MTTP: variants seen among roughly 807,000 people sequenced by gnomAD.
The protein encoded by MTTP is microsomal triglyceride transfer protein large subunit.
A neutral mutation model predicts 90.6 loss-of-function variants in MTTP; 49 were observed. That is an observed-to-expected ratio of 0.54 (90% CI 0.43 to 0.69). MTTP has a LOEUF of 0.69. MTTP is among the 30% of genes least tolerant of loss of function. The pLI is 0.00. For synonymous variants in MTTP, 347 were observed against 384.2 expected (o/e 0.90, Z 1.13); for missense variants, 945 against 1,067.5 (o/e 0.89, Z 1.60).
chr4:99,580,403 C>T (rs1031106383), intron 1 of MTTP, among the ~76,000 whole-genome samples: 6 of 150,826 alleles, frequency 4.0e-5, no homozygotes, highest in East Asian at 2.0e-4. Context: ...GGTGAAACCC[C>T]GTCTCTACTA....
chr4:99,600,084 C>A (rs1725657364), intron 8 of MTTP, among the ~76,000 whole-genome samples: 1 of 152,036 alleles, frequency 6.6e-6, no homozygotes, highest in Admixed American at 6.6e-5. Flanking sequence ...GAAAACCTTT[C>A]CCCTTGGATT....
At chr4:99,611,640 C>T (rs958267538) in intron 14 of MTTP, among the ~76,000 whole-genome samples, 187 bp downstream of exon 14, 3 of 152,094 alleles carry the variant, frequency 2.0e-5, no homozygotes, top group African/African-American at 7.2e-5. Flanking sequence ...GAGAAAGTTT[C>T]GAATTTGAAC....
intron 11 of MTTP, 86 bp from the exon 12 acceptor site, chr4:99,608,680 T>C (rs1202055264): frequency 5.6e-6 from 6 of 1,064,066 alleles, no homozygotes; most frequent in East Asian, 2.4e-5. Context: ...TATATTTTTA[T>C]GAACACTCAC....
At chr4:99,619,133 A>C in intron 16 of MTTP, 35 bp downstream of exon 16, 5 of 1,557,506 alleles carry the variant, frequency 3.2e-6, no homozygotes, top group Non-Finnish European at 4.4e-6. Flanking sequence ...TATGAATTAC[A>C]TATAAGACTA....
intron 1 of MTTP, among the ~76,000 whole-genome samples, chr4:99,565,846 C>G (rs983603697): frequency 1.3e-5 from 2 of 152,104 alleles, no homozygotes; most frequent in Non-Finnish European, 2.9e-5. Flanking sequence ...AAGCAAAGAC[C>G]TAAGCGTGTC....
chr4:99,613,014 T>C lies in MTTP; in HGVS notation c.2091T>C (p.Phe697=), dbSNP rs2110233206. ...ATGCTGGTATGTCAGCCATCCTCTT[T>C]GATGTTCAGCTCAGACCTGTCACCT... ...DSYAGMSAIL[F]DVQLRPVTFF... is the part of the protein sequence containing the mutation. Residue 697 remains phenylalanine, a synonymous_variant, in exon 15 of 18, where the codon TTT becomes TTC. Transcript: ENST00000265517. 6.2e-7 allele frequency: 1 copy of C among 1,614,078 alleles called. No individual in the cohort carries two copies. The highest frequency in any genetic ancestry group is 8.5e-7 in the Non-Finnish European group (1 of 1,179,970).
rs772254811 is a variant in MTTP, at chr4:99,619,139, G to C, written c.2342+41G>C. On this transcript the variant is annotated intron_variant, in intron 16 of 17. Coordinates refer to ENST00000265517, the MANE Select transcript of MTTP (RefSeq NM_001386140.1). ...TTATACATTTATGAATTACATATAA[G>C]ACTATATACAGAGAACTTCCGAAAT... The C allele has an allele frequency of 1.9e-6, 3 of 1,553,986 alleles. No individual in the cohort carries two copies. The South Asian group carries it at 3.3e-5, about 17-fold the overall frequency.
chr4:99,606,219 C>A (rs887856324), intron 10 of MTTP, among the ~76,000 whole-genome samples: 1 of 152,220 alleles, frequency 6.6e-6, no homozygotes, highest in African/African-American at 2.4e-5. Context: ...AAGTACCTAC[C>A]ACATAGGAGG....
upstream of MTTP, among the ~76,000 whole-genome samples, chr4:99,572,562 C>T (rs959150678): frequency 1.3e-5 from 2 of 151,900 alleles, no homozygotes; most frequent in African/African-American, 4.8e-5. Flanking sequence ...TGTCAAATGA[C>T]TGTTGTAAGG....
chr4:99,565,777 AAGTAGGAGTTGT>A (rs1454841974), intron 1 of MTTP, among the ~76,000 whole-genome samples: 2 of 152,190 alleles, frequency 1.3e-5, no homozygotes, highest in Non-Finnish European at 2.9e-5. Flanking sequence ...CTTGGAAAGT[AAGTAGGAGTTGT>A]ACAGGTGTCA....
At chr4:99,572,898 A>C (rs7688278), upstream of MTTP, among the ~76,000 whole-genome samples, 10,731 of 152,170 alleles carry the variant, frequency 0.071, 635 homozygotes, top group African/African-American at 0.16. Flanking sequence ...ATATTTTATA[A>C]AAGGATGATG....
intron 1 of MTTP, among the ~76,000 whole-genome samples, chr4:99,577,197 T>C (rs1488785383): frequency 2.6e-5 from 4 of 152,162 alleles, no homozygotes; most frequent in African/African-American, 4.8e-5. Context: ...AATCAGTCCA[T>C]TTAAAATTTG....
At chr4:99,600,826 C>A in intron 9 of MTTP, 93 bp downstream of exon 9, 2 of 1,252,024 alleles carry the variant, frequency 1.6e-6, no homozygotes, top group Non-Finnish European at 2.2e-6. Flanking sequence ...TGAATGAAGG[C>A]TATCAACTAG....
intron 2 of MTTP, among the ~76,000 whole-genome samples, chr4:99,582,384 T>C (rs1725141765): frequency 6.6e-6 from 1 of 152,184 alleles, no homozygotes; most frequent in Non-Finnish European, 1.5e-5. Flanking sequence ...CTTTTCAAAA[T>C]GTTCTGGGAG....
chr4:99,621,122 GA>G lies in MTTP; in HGVS notation c.2407del (p.Thr803ProfsTer23). The G allele has an allele frequency of 6.2e-7, 1 of 1,614,074 alleles. No individual in the cohort carries two copies. The highest frequency in any genetic ancestry group is 8.5e-7 in the Non-Finnish European group (1 of 1,179,968). Reference sequence around the variant, plus strand: ...CTCCTCTTTTGTGAAAGCTGGCCTGGAAACCAGTACAGAAACAGAAGCAGGC... The same window carrying G: ...CTCCTCTTTTGTGAAAGCTGGCCTGGAACCAGTACAGAAACAGAAGCAGGC... ...VDSSFVKAGL[E>X]TSTETEAGLE... is the part of the protein sequence containing the mutation. On this transcript the variant is annotated frameshift_variant, in exon 17 of 18. Transcript: ENST00000265517. LOFTEE classifies it high-confidence loss of function.
intron 10 of MTTP, among the ~76,000 whole-genome samples, chr4:99,602,255 A>T (rs1725718288): frequency 6.6e-6 from 1 of 152,124 alleles, no homozygotes; most frequent in African/African-American, 2.4e-5. Flanking sequence ...CATTTGCCTA[A>T]AGCTTTTCCA....
intron 8 of MTTP, among the ~76,000 whole-genome samples, chr4:99,598,653 CTTTTTTTTTTTT>C (rs745529189): frequency 3.6e-5 from 3 of 82,536 alleles, no homozygotes; most frequent in East Asian, 3.7e-4. Flanking sequence ...TCAAGGAAGT[CTTTTTTTTTTTT>C]TTTTTTTTTT....
Position 99,621,075 on chromosome 4 carries a change from T to C in MTTP, c.2357T>C (p.Ile786Thr), listed in dbSNP as rs1478588886. 3.7e-6 allele frequency: 6 copies of C among 1,613,968 alleles called. No individual in the cohort carries two copies. The highest frequency in any genetic ancestry group is 5.1e-6 in the Non-Finnish European group (6 of 1,179,968). ...CAAATGTTTAGGGTGACTGTGGTAATAACCACTGACATCACAGTGGACTCC... is the reference window on the plus strand; with the variant it reads ...CAAATGTTTAGGGTGACTGTGGTAACAACCACTGACATCACAGTGGACTCC... ...TRVKNRVTVV[I>T]TTDITVDSSF... The change falls in exon 17 of 18, where the codon ATA becomes ACA. Residue 786 changes from isoleucine to threonine, a missense_variant. Ile to Thr is a moderately conservative substitution (Grantham distance 89). Coordinates refer to ENST00000265517, the MANE Select transcript of MTTP (RefSeq NM_001386140.1).
intron 1 of MTTP, among the ~76,000 whole-genome samples, chr4:99,565,371 T>C (rs893725569): frequency 6.6e-5 from 10 of 151,734 alleles, no homozygotes; most frequent in African/African-American, 2.2e-4. Flanking sequence ...TTTAACTTTG[T>C]AGTCATTTGG....
Sources: allele counts gnomAD v4.1 joint callset (sites outside exome capture counted in the v4.1 genomes callset), GRCh38; gene constraint gnomAD v4.1.1; transcripts MANE v1.5; gene names NCBI Gene and HGNC (gene_info 2026-07-23, HGNC 2026-07-21).